SKOR1: variants seen among roughly 807,000 people sequenced by gnomAD.
SKOR1 encodes LBX1 corepressor 1.
A neutral mutation model predicts 72.4 loss-of-function variants in SKOR1; 38 were observed. The observed-to-expected ratio is 0.52, with a 90% confidence interval of 0.40 to 0.69. SKOR1 has a LOEUF of 0.69. Among genes scored for constraint, SKOR1 ranks in the 30% least tolerant of loss-of-function variants. The probability of loss-of-function intolerance (pLI) is 0.00; values close to 1 mark genes in which losing one functional copy is unlikely to be tolerated. For missense variants in SKOR1, 1,320 were observed against 1,343.2 expected (o/e 0.98, Z 0.27); for synonymous variants, 642 against 599.4 (o/e 1.07, Z -1.04).
At position 67,827,626 on chromosome 15, in the gene SKOR1, A is replaced by G. The variant is rs981532120; in HGVS notation, c.1798A>G (p.Lys600Glu). ...SYVSAFRPVV[K>E]DTESIAKLYG... is the part of the protein sequence containing the mutation. ...CGTGTCGGCCTTCCGGCCGGTGGTC[A>G]AGGACACCGAGAGCATCGCTAAGCT... The change falls in exon 2 of 9, where the codon AAG (lysine) becomes GAG (glutamate). Residue 600 changes from lysine (K) to glutamate (E), a missense_variant. This residue lies in a region of SKOR1 where 1,099 missense variants were observed against 1,025.5 expected (regional missense o/e 1.07). Coordinates refer to ENST00000380035, the MANE Select transcript of SKOR1 (RefSeq NM_001365915.1). 2.3e-5 allele frequency: 35 copies of G among 1,529,442 alleles called. No homozygotes were observed. The highest frequency in any genetic ancestry group is 2.9e-5 in the Non-Finnish European group (33 of 1,144,266). 94.7% of individuals were successfully genotyped at this position (1,529,442 alleles called of 1,614,324 possible).
At chr15:67,830,415 T>A in intron 4 of SKOR1, 117 bp downstream of exon 4, 1 of 843,222 alleles carries the variant, frequency 1.2e-6, no homozygotes, top group Non-Finnish European at 1.9e-6. Flanking sequence ...CGGCTGCCAG[T>A]CTTCTTCCTC....
Position 67,826,660 on chromosome 15 carries a change from C to T in SKOR1, c.832C>T (p.Arg278Trp), listed in dbSNP as rs1441662924. 1 of 1,603,272 alleles carries T rather than the reference C, an allele frequency of 6.2e-7. No homozygotes were observed. The highest frequency in any genetic ancestry group is 8.5e-7 in the Non-Finnish European group (1 of 1,175,058). Residue 278 changes from arginine (R) to tryptophan (W), a missense_variant, in exon 2 of 9, where the codon CGG (arginine) becomes TGG (tryptophan). Physicochemically the swap from Arg to Trp is moderately radical, Grantham distance 101 (BLOSUM62 -3). Transcript: ENST00000380035. The stretch of plus-strand genomic sequence containing the variant: ...CATGTTTAATGGCGGCACGCGCAAG[C>T]GGACCTTCTCCCTACAAGGAGGCGG... ...KAMFNGGTRK[R>W]TFSLQGGGGG...
chr15:67,827,714 G>C lies in SKOR1; in HGVS notation c.1886G>C (p.Gly629Ala), dbSNP rs1285144739. 1 of 1,542,188 alleles carries C rather than the reference G, an allele frequency of 6.5e-7. No homozygotes were observed. Among genetic ancestry groups the C allele is most frequent in the African/African-American group, 1.4e-5 (1 of 72,792 alleles). Residue 629 changes from glycine to alanine, a missense_variant, in exon 2 of 9, where the codon GGG becomes GCG. Gly to Ala is a moderately conservative substitution (Grantham distance 60). Transcript: ENST00000380035. ...GCTCGGGGGCCGGGACCCGGCGCTGGGAGCGGCGGCTACGTGAGCCCGGAC... is the reference window on the plus strand; with the variant it reads ...GCTCGGGGGCCGGGACCCGGCGCTGCGAGCGGCGGCTACGTGAGCCCGGAC... ...GPARGPGPGA[G>A]SGGYVSPDFL... is the part of the protein sequence containing the mutation.
At position 67,832,741 on chromosome 15, in the gene SKOR1, G is replaced by T. The variant is rs752142960; in HGVS notation, c.2737+60G>T. Reference sequence around the variant, plus strand: ...CGTAACTGCCTCTCGTCTGGCAGGAGCCGCAATGTTGGCTCAGTCATTTGG... The same window carrying T: ...CGTAACTGCCTCTCGTCTGGCAGGATCCGCAATGTTGGCTCAGTCATTTGG... On this transcript the variant is annotated intron_variant, in intron 7 of 8. Transcript: ENST00000380035. This position sits in a 1 kb window ranked among gnomAD's most constrained non-coding sequence, Gnocchi z 4.5. 8 of 1,364,654 alleles carry T rather than the reference G, an allele frequency of 5.9e-6. No individual in the cohort carries two copies. The highest frequency in any genetic ancestry group is 1.4e-5 in the African/African-American group (1 of 69,766). 84.5% of individuals were successfully genotyped at this position (1,364,654 alleles called of 1,614,324 possible). A position where few individuals can be genotyped will look rare whatever the true frequency, so the allele number is the denominator to read the frequency against.
chr15:67,833,526 GC>G lies in SKOR1; in HGVS notation c.2804-214del, dbSNP rs893410553. 6.6e-6 allele frequency among the ~76,000 whole-genome samples: 1 copy of G among 152,196 alleles called. No individual in the cohort carries two copies. The highest frequency in any genetic ancestry group is 1.5e-5 in the Non-Finnish European group (1 of 68,032). ...AGCAGGTTGACTCCTCTCTTACTGT[GC>G]CTCAGTTTCCTTTTCTGTAAAATGG... is the stretch of plus-strand genomic sequence containing the variant. On this transcript the variant is annotated intron_variant, in intron 8 of 8. Transcript: ENST00000380035. This position sits in a 1 kb window ranked among gnomAD's most constrained non-coding sequence, Gnocchi z 6.0.
chr15:67,828,385 G>T (rs773753357), intron 2 of SKOR1, among the ~76,000 whole-genome samples: 3 of 152,220 alleles, frequency 2.0e-5, no homozygotes, highest in Non-Finnish European at 2.9e-5. Flanking sequence ...GAACTTGTGT[G>T]CTTTGTTTTT....
rs749078555 is a variant in SKOR1 at position 67,833,842 on chromosome 15, G to T, written c.*6G>T. On this transcript the variant is annotated 3_prime_UTR_variant, in exon 9 of 9. Transcript: ENST00000380035. This position sits in a 1 kb window ranked among gnomAD's most constrained non-coding sequence, Gnocchi z 6.0. The stretch of plus-strand genomic sequence containing the variant: ...AGCCACCGCTGTTGCCCTAGGGCCG[G>T]CCTGGCCGCACCCCTGCGCCCTCAA... 11 of 1,607,548 alleles carry T rather than the reference G, an allele frequency of 6.8e-6. No homozygotes were observed. The South Asian group carries it at 8.8e-5, about 13-fold the overall frequency.
Position 67,829,364 on chromosome 15 carries a change from G to C in SKOR1, c.2407+95G>C, listed in dbSNP as rs116421445. 226 of 1,093,012 alleles carry C rather than the reference G, an allele frequency of 2.1e-4. 1 individual carries two copies. The East Asian group carries it at 5.9e-3, about 29-fold the overall frequency. 67.7% of individuals were successfully genotyped at this position (1,093,012 alleles called of 1,614,324 possible). A position where few individuals can be genotyped will look rare whatever the true frequency, so the allele number is the denominator to read the frequency against. The stretch of plus-strand genomic sequence containing the variant: ...GCCTGCGAAGGAAGACAAGGAGAGA[G>C]ACGCAGAGAAAGAGGGAGAGGGAAA... On this transcript the variant is annotated intron_variant, in intron 3 of 8. Coordinates refer to ENST00000380035, the MANE Select transcript of SKOR1 (RefSeq NM_001365915.1).
chr15:67,830,226 G>T lies in SKOR1; in HGVS notation c.2443G>T (p.Asp815Tyr), dbSNP rs756085291. ...GGAAGACAATCACTCGCCCGCCGATGATTTGGAAACGAGGAAATCCTATCC... is the reference window on the plus strand; with the variant it reads ...GGAAGACAATCACTCGCCCGCCGATTATTTGGAAACGAGGAAATCCTATCC... The part of the protein sequence containing the change: ...DKEDNHSPAD[D>Y]LETRKSYPDQ... Residue 815 changes from aspartate to tyrosine, a missense_variant, in exon 4 of 9, where the codon GAT (aspartate) becomes TAT (tyrosine). By Grantham distance (160) the Asp-to-Tyr change is radical (BLOSUM62 -3). Transcript: ENST00000380035. The T allele has an allele frequency of 3.1e-6, 5 of 1,614,220 alleles. No individual in the cohort carries two copies. Among genetic ancestry groups the T allele is most frequent in the Middle Eastern group, 3.3e-4 (2 of 6,062 alleles).
rs1215580037 is a variant in SKOR1 at position 67,828,017 on chromosome 15, G to T, written c.2189G>T (p.Arg730Leu). The change falls in exon 2 of 9, where the codon CGG becomes CTG. Residue 730 changes from arginine (R) to leucine (L), a missense_variant. Physicochemically the swap from Arg to Leu is moderately radical, Grantham distance 102. This residue lies in a region of SKOR1 where 1,099 missense variants were observed against 1,025.5 expected (regional missense o/e 1.07). Transcript: ENST00000380035. ...CGCCTCGGGCCACCCCCAGCTGGCC[G>T]GCCCGCATTTGGGGACTTGGCAGCC... ...RRRLGPPPAG[R>L]PAFGDLAAED... 1 of 1,539,752 alleles carries T rather than the reference G, an allele frequency of 6.5e-7. No homozygotes were observed. Among genetic ancestry groups the T allele is most frequent in the Admixed American group, 2.0e-5 (1 of 50,378 alleles).
Position 67,832,448 on chromosome 15 carries a change from G to C in SKOR1, c.2662+100G>C. On this transcript the variant is annotated intron_variant, in intron 6 of 8. Coordinates refer to ENST00000380035, the MANE Select transcript of SKOR1 (RefSeq NM_001365915.1). This position sits in a 1 kb window ranked among gnomAD's most constrained non-coding sequence, Gnocchi z 4.5. The stretch of plus-strand genomic sequence containing the variant: ...GCCGGGTGCCAGGCAACTGGTACTA[G>C]GTGCCCTGCAGGAGACAAGAAACTG... 7.2e-7 allele frequency: 1 copy of C among 1,398,526 alleles called. No individual in the cohort carries two copies. Among genetic ancestry groups the C allele is most frequent in the Non-Finnish European group, 1.0e-6 (1 of 992,220 alleles). 86.6% of individuals were successfully genotyped at this position (1,398,526 alleles called of 1,614,324 possible). A position where few individuals can be genotyped will look rare whatever the true frequency, so the allele number is the denominator to read the frequency against.
In SKOR1 at chr15:67,833,977, C is replaced by T; in HGVS notation, c.*141C>T. 1 of 947,272 alleles carries T rather than the reference C, an allele frequency of 1.1e-6. No individual in the cohort carries two copies. Among genetic ancestry groups the T allele is most frequent in the South Asian group, 1.4e-5 (1 of 71,540 alleles). 58.7% of individuals were successfully genotyped at this position (947,272 alleles called of 1,614,324 possible). ...GCCGCCCGTCCGCCCGCCTTCCTCC[C>T]GGGCTCCCCGGCCTTGCCCGCCCCC... is the stretch of plus-strand genomic sequence containing the variant. On this transcript the variant is annotated 3_prime_UTR_variant, in exon 9 of 9. Coordinates refer to ENST00000380035, the MANE Select transcript of SKOR1 (RefSeq NM_001365915.1). This position sits in a 1 kb window ranked among gnomAD's most constrained non-coding sequence, Gnocchi z 6.0.
In SKOR1 at chr15:67,828,058, A is replaced by G. The variant is rs1166385548; in HGVS notation, c.2230A>G (p.Arg744Gly). 6.5e-7 allele frequency: 1 copy of G among 1,536,538 alleles called. No homozygotes were observed. Among genetic ancestry groups the G allele is most frequent in the Non-Finnish European group, 8.7e-7 (1 of 1,144,306 alleles). The change falls in exon 2 of 9, where the codon AGA becomes GGA. Residue 744 changes from arginine (R) to glycine (G), a missense_variant. By Grantham distance (125) the Arg-to-Gly change is moderately radical. Around this residue, in one of 3 missense-constraint regions of SKOR1, gnomAD observed 1,099 missense variants for 1,025.5 expected, o/e 1.07. Transcript: ENST00000380035. ...GDLAAEDLVR[R>G]PERSPPSGGG... ...CTTGGCAGCCGAAGACTTGGTGCGGAGACCTGAGAGGAGCCCGCCAAGCGG... is the reference window on the plus strand; with the variant it reads ...CTTGGCAGCCGAAGACTTGGTGCGGGGACCTGAGAGGAGCCCGCCAAGCGG...
chr15:67,826,388 G>A lies in SKOR1; in HGVS notation c.560G>A (p.Cys187Tyr), dbSNP rs1052444467. Reference protein sequence around the residue: ...ENFAFDVVHECAWGSRGSFIP... With the variant: ...ENFAFDVVHEYAWGSRGSFIP... ...TTCGCCTTCGATGTGGTGCACGAGT[G>A]CGCGTGGGGCTCGCGTGGTAGCTTC... The change falls in exon 2 of 9, where the codon TGC becomes TAC. Residue 187 changes from cysteine to tyrosine, a missense_variant. Cys to Tyr is a radical substitution (Grantham distance 194). Around this residue, in one of 3 missense-constraint regions of SKOR1, gnomAD observed 101 missense variants for 212.8 expected, o/e 0.47. Transcript: ENST00000380035. 1 of 1,613,796 alleles carries A rather than the reference G, an allele frequency of 6.2e-7. No homozygotes were observed. The highest frequency in any genetic ancestry group is 1.1e-5 in the South Asian group (1 of 91,092).
chr15:67,830,313 G>T lies in SKOR1; in HGVS notation c.2515+15G>T. ...TACAGACAGAGGTGAGCCAGCCCTT[G>T]AACCCATCGCTCTCCACCGCACCCA... On this transcript the variant is annotated intron_variant, in intron 4 of 8. Coordinates refer to ENST00000380035, the MANE Select transcript of SKOR1 (RefSeq NM_001365915.1). 1 of 1,611,198 alleles carries T rather than the reference G, an allele frequency of 6.2e-7. No homozygotes were observed. Among genetic ancestry groups the T allele is most frequent in the African/African-American group, 1.3e-5 (1 of 74,916 alleles).
At position 67,825,691 on chromosome 15, in the gene SKOR1, C is replaced by T. The variant is rs889853165; in HGVS notation, c.89C>T (p.Ala30Val). 2 of 742,126 alleles carry T rather than the reference C, an allele frequency of 2.7e-6. No homozygotes were observed. The highest frequency in any genetic ancestry group is 4.0e-5 in the Admixed American group (2 of 50,028). 46.0% of individuals were successfully genotyped at this position (742,126 alleles called of 1,614,324 possible). The change falls in exon 1 of 9, where the codon GCA becomes GTA. Residue 30 changes from alanine to valine, a missense_variant. Physicochemically the swap from Ala to Val is moderately conservative, Grantham distance 64. Around this residue, in one of 3 missense-constraint regions of SKOR1, gnomAD observed 120 missense variants for 104.9 expected, o/e 1.14. Transcript: ENST00000380035. This position sits in a 1 kb window ranked among gnomAD's most constrained non-coding sequence, Gnocchi z 5.6. ...TCCGAAAACGGGATTGGGTTCCTTG[C>T]AGCCCGGGCATTCCTGAGGTCTCCT... ...SQSENGIGFL[A>V]ARAFLRSGGM...
intron 2 of SKOR1, 62 bp from the exon 3 acceptor site, chr15:67,829,117 G>A: frequency 1.4e-6 from 2 of 1,426,246 alleles, no homozygotes; most frequent in Non-Finnish European, 1.9e-6. Context: ...GGGTAGGGCT[G>A]GGCGTCTTTG....
Position 67,827,754 on chromosome 15 carries a change from C to T in SKOR1, c.1926C>T (p.Gly642=). ...TGAGCCCGGACTTTCTGAGCGAGGGCAGCTCCAGCTACAATTCCGCCTCGC... is the reference window on the plus strand; with the variant it reads ...TGAGCCCGGACTTTCTGAGCGAGGGTAGCTCCAGCTACAATTCCGCCTCGC... ...GYVSPDFLSE[G]SSSYNSASPD... is the part of the protein sequence containing the mutation. Residue 642 remains glycine, a synonymous_variant, in exon 2 of 9, where the codon GGC becomes GGT. Transcript: ENST00000380035. The T allele has an allele frequency of 6.4e-7, 1 of 1,551,368 alleles. No homozygotes were observed. Among genetic ancestry groups the T allele is most frequent in the Non-Finnish European group, 8.7e-7 (1 of 1,147,324 alleles).
chr15:67,833,364 A>T lies in SKOR1; in HGVS notation c.2803+107A>T, dbSNP rs1300355696. 5.2e-6 allele frequency: 6 copies of T among 1,161,630 alleles called. No homozygotes were observed. Among genetic ancestry groups the T allele is most frequent in the Non-Finnish European group, 7.7e-6 (6 of 781,578 alleles). The allele number at this position is 1,161,630 out of a possible 1,614,324, so 72.0% of individuals were successfully genotyped here. A position where few individuals can be genotyped will look rare whatever the true frequency, so the allele number is the denominator to read the frequency against. Reference sequence around the variant, plus strand: ...GTGAGGAAGGCCACGATCCACGTGGATCAGGATCTGTGAGGGAGAAAAGTG... The same window carrying T: ...GTGAGGAAGGCCACGATCCACGTGGTTCAGGATCTGTGAGGGAGAAAAGTG... On this transcript the variant is annotated intron_variant, in intron 8 of 8. Transcript: ENST00000380035. The surrounding 1 kb of genome is among the most constrained non-coding windows in gnomAD (Gnocchi z 6.0).
Sources: allele counts gnomAD v4.1 joint callset (sites outside exome capture counted in the v4.1 genomes callset), GRCh38; gene constraint gnomAD v4.1.1; regional missense constraint gnomAD v4.1.1; non-coding constraint Gnocchi (gnomAD v3.1); transcripts MANE v1.5; gene names NCBI Gene and HGNC (gene_info 2026-07-23, HGNC 2026-07-21).